MAPKAP1: variants seen among roughly 807,000 people sequenced by gnomAD.
MAPKAP1 encodes the protein target of rapamycin complex 2 subunit MAPKAP1.
A neutral mutation model predicts 65.7 loss-of-function variants in MAPKAP1; 20 were observed. That is an observed-to-expected ratio of 0.30 (90% CI 0.21 to 0.44). The LOEUF (loss-of-function observed/expected upper bound fraction) is 0.44, where lower values mean the gene tolerates loss of function less well. Ranked by LOEUF, MAPKAP1 falls within the 20% of genes least tolerant of loss-of-function variation. MAPKAP1 has a pLI of 1.00. For synonymous variants in MAPKAP1, 222 were observed against 244.3 expected (o/e 0.91, Z 0.85); for missense variants, 423 against 648.0 (o/e 0.65, Z 3.77).
chr9:125,661,855 C>T (rs938635224), intron 3 of MAPKAP1, among the ~76,000 whole-genome samples: 1 of 151,858 alleles, frequency 6.6e-6, no homozygotes, highest in Non-Finnish European at 1.5e-5. Context: ...AGATTAACTA[C>T]AAAGAGGGGA....
At position 125,657,708 on chromosome 9, in the gene MAPKAP1, T is replaced by C; in HGVS notation, c.441A>G (p.Glu147=). 6.2e-7 allele frequency: 1 copy of C among 1,614,060 alleles called. No individual in the cohort carries two copies. The highest frequency in any genetic ancestry group is 8.5e-7 in the Non-Finnish European group (1 of 1,179,922). The change falls in exon 4 of 12, where the codon GAA becomes GAG. Residue 147 remains glutamate (E), a synonymous_variant. Coordinates refer to ENST00000265960, the MANE Select transcript of MAPKAP1 (RefSeq NM_001006617.3). ...GGTTATTCAGCTGCAGAGGGCACTG[T>C]TCTAGGCGTACAGATAATATCGACT... ...GKQSILSVRL[E]QCPLQLNNPF...
chr9:125,565,135 C>T (rs1406968026), intron 5 of MAPKAP1, among the ~76,000 whole-genome samples: 2 of 152,136 alleles, frequency 1.3e-5, no homozygotes, highest in Non-Finnish European at 2.9e-5. Context: ...ATGAGTACAA[C>T]TTTCACTTAT....
chr9:125,441,029 A>T (rs1312999711), intron 11 of MAPKAP1, among the ~76,000 whole-genome samples: 1 of 152,240 alleles, frequency 6.6e-6, no homozygotes, highest in East Asian at 1.9e-4. Context: ...TAATGTAATA[A>T]TCAAAAGATA....
chr9:125,672,228 A>G, intron 2 of MAPKAP1, 88 bp downstream of exon 2: 1 of 1,441,252 alleles, frequency 6.9e-7, no homozygotes, highest in South Asian at 1.3e-5. Context: ...AACATCCCCC[A>G]TTAAGCCTAT....
chr9:125,650,587 A>G (rs924118284), intron 4 of MAPKAP1: 1 of 152,238 alleles, frequency 6.6e-6, no homozygotes, highest in African/African-American at 2.4e-5. Flanking sequence ...CCATGGCAAG[A>G]GTCTGCCTTC....
At chr9:125,565,390 A>G (rs1381756915) in intron 5 of MAPKAP1, 1 of 161,842 alleles carries the variant, frequency 6.2e-6, no homozygotes, top group Non-Finnish European at 1.4e-5. Flanking sequence ...AAATTCACTC[A>G]TCCTCGGAAA....
chr9:125,624,695 A>G (rs1833042336), intron 4 of MAPKAP1, among the ~76,000 whole-genome samples: 1 of 68,456 alleles, frequency 1.5e-5, no homozygotes, highest in African/African-American at 5.2e-5. Flanking sequence ...CCTACTGGGA[A>G]GTGAGGAGCC....
Position 125,579,909 on chromosome 9 carries a change from T to C in MAPKAP1, c.671+5646A>G, listed in dbSNP as rs142929028. On this transcript the variant is annotated intron_variant, in intron 5 of 11. Coordinates refer to ENST00000265960, the MANE Select transcript of MAPKAP1 (RefSeq NM_001006617.3). ...TCAAAAGACCATGGTTTAGACTCAATATAATCATGTAATTCGAAATATGGA... is the reference window on the plus strand; with the variant it reads ...TCAAAAGACCATGGTTTAGACTCAACATAATCATGTAATTCGAAATATGGA... Among the ~76,000 whole-genome samples the C allele has an allele frequency of 4.1e-4, 62 of 152,296 alleles. 1 individual carries two copies. In the East Asian group the frequency reaches 0.012, roughly 28 times the overall value.
intron 1 of MAPKAP1, among the ~76,000 whole-genome samples, chr9:125,695,165 A>C (rs957784835): frequency 3.9e-5 from 6 of 152,228 alleles, no homozygotes; most frequent in African/African-American, 1.4e-4. Context: ...TCAAAGCTTC[A>C]TTCGCTTGTA....
At chr9:125,633,229 A>T (rs887644118) in intron 4 of MAPKAP1, among the ~76,000 whole-genome samples, 1 of 152,226 alleles carries the variant, frequency 6.6e-6, no homozygotes, top group African/African-American at 2.4e-5. Context: ...TAGAGGACAC[A>T]GGGAGAGTAG....
At chr9:125,648,865 C>G (rs1004426227) in intron 4 of MAPKAP1, among the ~76,000 whole-genome samples, 3 of 151,758 alleles carry the variant, frequency 2.0e-5, no homozygotes, top group African/African-American at 7.3e-5. Context: ...CGCTTAAACC[C>G]GGGAGGCGGA....
chr9:125,613,899 G>A (rs533070076), intron 4 of MAPKAP1, among the ~76,000 whole-genome samples: 8 of 151,730 alleles, frequency 5.3e-5, no homozygotes, highest in East Asian at 3.9e-4. Context: ...CCAGGTTCAC[G>A]CCATTCTCCT....
At position 125,439,166 on chromosome 9, in the gene MAPKAP1, G is replaced by A. The variant is rs1852390518; in HGVS notation, c.1444-154C>T. 6.6e-6 allele frequency among the ~76,000 whole-genome samples: 1 copy of A among 152,202 alleles called. No homozygotes were observed. The highest frequency in any genetic ancestry group is 1.5e-5 in the Non-Finnish European group (1 of 68,032). The stretch of plus-strand genomic sequence containing the variant: ...AGGAGTCCAGTCATCACAGCAACCT[G>A]GCAGCGGCTGGGCCCAGAGCCGCTG... On this transcript the variant is annotated intron_variant, in intron 11 of 11. Transcript: ENST00000265960. The surrounding 1 kb of genome is among the most constrained non-coding windows in gnomAD (Gnocchi z 4.0).
At chr9:125,488,492 G>C (rs899708260) in intron 8 of MAPKAP1, among the ~76,000 whole-genome samples, 2 of 152,120 alleles carry the variant, frequency 1.3e-5, no homozygotes, top group East Asian at 1.9e-4. Flanking sequence ...CAGCCTCCCA[G>C]GTAGCTGACG....
chr9:125,584,620 T>A (rs1015450672), intron 5 of MAPKAP1, among the ~76,000 whole-genome samples: 4 of 152,108 alleles, frequency 2.6e-5, no homozygotes, highest in Admixed American at 6.6e-5. Flanking sequence ...AGAGAAAGGG[T>A]TTCACCATGT....
chr9:125,493,760 G>T (rs1301594028), intron 8 of MAPKAP1, among the ~76,000 whole-genome samples: 1 of 152,204 alleles, frequency 6.6e-6, no homozygotes, highest in Non-Finnish European at 1.5e-5. Flanking sequence ...GCATTTTAAA[G>T]ACGTCATCTC....
intron 1 of MAPKAP1, among the ~76,000 whole-genome samples, chr9:125,675,592 G>C (rs1834620714): frequency 6.6e-6 from 1 of 152,096 alleles, no homozygotes; most frequent in South Asian, 2.1e-4. Flanking sequence ...CTCTGATATG[G>C]AACTCCCACA....
At chr9:125,557,760 C>T (rs1052717636) in intron 6 of MAPKAP1, among the ~76,000 whole-genome samples, 6 of 152,210 alleles carry the variant, frequency 3.9e-5, no homozygotes, top group Admixed American at 2.6e-4. Context: ...AACTGTCTCA[C>T]TACTAGATAG....
rs1003014600 is a variant in MAPKAP1, at chr9:125,630,679, T to C, written c.498+26972A>G. Among the ~76,000 whole-genome samples, 3 of 152,256 alleles carry C rather than the reference T, an allele frequency of 2.0e-5. No individual in the cohort carries two copies. The South Asian group carries it at 6.2e-4, about 32-fold the overall frequency. On this transcript the variant is annotated intron_variant, in intron 4 of 11. Transcript: ENST00000265960. ...AGATGATTAACACCTCTGCTATGGTTTGGATGTTTGTCCTCTTCAAACCTT... is the reference window on the plus strand; with the variant it reads ...AGATGATTAACACCTCTGCTATGGTCTGGATGTTTGTCCTCTTCAAACCTT...
Sources: gnomAD v4.1 joint callset for allele counts (sites outside exome capture counted in the v4.1 genomes callset) on GRCh38, gnomAD v4.1.1 for gene constraint, Gnocchi (gnomAD v3.1) non-coding constraint, MANE v1.5 for transcripts, NCBI Gene and HGNC (gene_info 2026-07-23, HGNC 2026-07-21) for gene names.